Variants in TRPC5 observed in about 807,000 individuals in gnomAD.
The protein encoded by TRPC5 is transient receptor potential cation channel subfamily C member 5, also known as short transient receptor potential channel 5.
A neutral mutation model predicts 56.5 loss-of-function variants in TRPC5; 9 were observed. The ratio of observed to expected loss-of-function variants is 0.16; its 90% confidence interval spans 0.10 to 0.28. The LOEUF is 0.28. Among genes scored for constraint, TRPC5 ranks in the 10% least tolerant of loss-of-function variants. TRPC5 has a pLI of 1.00. For missense variants in TRPC5, 469 were observed against 748.9 expected, an observed-to-expected ratio of 0.63 and a Z score of 4.36; for synonymous variants, 282 against 278.5, an observed-to-expected ratio of 1.01 and a Z score of -0.13.
chrX:111,970,142 C>G (rs1464151481), intron 1 of TRPC5, among the ~76,000 whole-genome samples: 1 of 111,396 alleles, frequency 9.0e-6, no homozygotes, highest in Non-Finnish European at 1.9e-5. Context: ...GTGCTGCTAT[C>G]TGTGTGACTG....
chrX:111,963,170 G>T (rs796174773), intron 1 of TRPC5, among the ~76,000 whole-genome samples: 2 of 112,472 alleles, frequency 1.8e-5, no homozygotes, highest in Non-Finnish European at 3.8e-5. Flanking sequence ...CACACCAGGA[G>T]ATTATATCCC....
chrX:111,878,081 G>A (rs1047682905), intron 3 of TRPC5, among the ~76,000 whole-genome samples: 1 of 110,754 alleles, frequency 9.0e-6, no homozygotes, highest in African/African-American at 3.3e-5. Flanking sequence ...GCAGTGAGGA[G>A]AAGGGAAAGA....
intron 3 of TRPC5, among the ~76,000 whole-genome samples, chrX:111,891,115 T>C (rs1048736025): frequency 2.7e-5 from 3 of 112,349 alleles, no homozygotes; most frequent in African/African-American, 9.7e-5. Flanking sequence ...CAATCTACCA[T>C]TGATGGGCAT....
At chrX:111,950,459 T>C (rs1927058231) in intron 2 of TRPC5, among the ~76,000 whole-genome samples, 1 of 111,828 alleles carries the variant, frequency 8.9e-6, no homozygotes, top group Admixed American at 9.5e-5. Context: ...AGCTAAGCTA[T>C]AAGGATGCAA....
At chrX:111,921,625 T>C (rs1326873304) in intron 2 of TRPC5, among the ~76,000 whole-genome samples, 1 of 110,759 alleles carries the variant, frequency 9.0e-6, no homozygotes, top group Non-Finnish European at 1.9e-5. Context: ...AAAATAAAGA[T>C]AGGGGGAGGT....
At chrX:112,038,605 A>C (rs1929810699) in intron 1 of TRPC5, among the ~76,000 whole-genome samples, 1 of 112,448 alleles carries the variant, frequency 8.9e-6, no homozygotes, top group African/African-American at 3.2e-5. Flanking sequence ...TAAAACATTC[A>C]AACTTGGTTA....
intron 7 of TRPC5, among the ~76,000 whole-genome samples, chrX:111,809,891 TTTG>T (rs1227036428): frequency 2.7e-4 from 30 of 109,905 alleles, no homozygotes; most frequent in African/African-American, 8.0e-4. Flanking sequence ...TGTTTTTTTT[TTTG>T]TTGTTGTTGT....
At position 111,772,496 on chromosome X, in the gene TRPC5, T is replaced by G. The variant is rs1239210925; in HGVS notation, c.*3817A>C. 9.0e-6 allele frequency among the ~76,000 whole-genome samples: 1 copy of G among 111,718 alleles called. No homozygotes were observed. Among genetic ancestry groups the G allele is most frequent in the Non-Finnish European group, 1.9e-5 (1 of 53,174 alleles). On this transcript the variant is annotated 3_prime_UTR_variant, in exon 11 of 11. Coordinates refer to ENST00000262839, the MANE Select transcript of TRPC5 (RefSeq NM_012471.3). ...CCGCCCAGGCTTGAGTGCAGTGGTG[T>G]GATCTCAGTGCACTGCAACCTCTGC...
intron 3 of TRPC5, chrX:111,902,941 G>A (rs976263899): frequency 5.4e-5 from 6 of 111,651 alleles, no homozygotes; most frequent in African/African-American, 2.0e-4. Context: ...TAATAGAAGG[G>A]CTAAGCAAAG....
chrX:111,877,029 A>G (rs749993205), intron 3 of TRPC5, among the ~76,000 whole-genome samples: 1 of 111,653 alleles, frequency 9.0e-6, no homozygotes, highest in Admixed American at 9.6e-5. Flanking sequence ...CTATCTATGG[A>G]TGATCACATT....
intron 1 of TRPC5, among the ~76,000 whole-genome samples, chrX:112,063,937 G>A (rs1049880568): frequency 5.4e-5 from 6 of 111,229 alleles, no homozygotes; most frequent in Admixed American, 4.8e-4. Flanking sequence ...GACTACAGGC[G>A]CCCACCACCA....
chrX:111,874,035 C>T lies in TRPC5; in HGVS notation c.901-19929G>A, dbSNP rs767453291. ...CTCTGGTAGAGAAAGGAAGGATCCTCAATGCTCGGATGGCTTTTAAGAAGT... is the reference window on the plus strand; with the variant it reads ...CTCTGGTAGAGAAAGGAAGGATCCTTAATGCTCGGATGGCTTTTAAGAAGT... On this transcript the variant is annotated intron_variant, in intron 3 of 10. Coordinates refer to ENST00000262839, the MANE Select transcript of TRPC5 (RefSeq NM_012471.3). Among the ~76,000 whole-genome samples, 8 of 111,616 alleles carry T rather than the reference C, an allele frequency of 7.2e-5. No homozygotes were observed. In the East Asian group the frequency reaches 1.4e-3, roughly 20 times the overall value.
intron 1 of TRPC5, among the ~76,000 whole-genome samples, chrX:112,029,960 T>A (rs1388769616): frequency 9.0e-6 from 1 of 110,655 alleles, no homozygotes; most frequent in Non-Finnish European, 1.9e-5. Flanking sequence ...CCCAAGTAGC[T>A]GGGATCACAG....
intron 7 of TRPC5, among the ~76,000 whole-genome samples, chrX:111,783,506 G>A (rs1415150796): frequency 3.6e-5 from 4 of 110,545 alleles, no homozygotes; most frequent in East Asian, 2.8e-4. Flanking sequence ...TATAATTTGC[G>A]TTTCCCAAAT....
chrX:111,810,289 C>T (rs1921663405), intron 7 of TRPC5, among the ~76,000 whole-genome samples: 1 of 111,018 alleles, frequency 9.0e-6, no homozygotes, highest in Non-Finnish European at 1.9e-5. Context: ...TGCATAAGGA[C>T]TCAAATGCCA....
At chrX:111,940,657 C>T (rs1041286335) in intron 2 of TRPC5, among the ~76,000 whole-genome samples, 1 of 102,008 alleles carries the variant, frequency 9.8e-6, no homozygotes, top group African/African-American at 3.6e-5. Context: ...TACCACTGCA[C>T]TCCAGCCTGG....
intron 2 of TRPC5, among the ~76,000 whole-genome samples, chrX:111,935,809 A>G (rs1030807911): frequency 9.0e-6 from 1 of 111,162 alleles, no homozygotes; most frequent in Non-Finnish European, 1.9e-5. Context: ...TGGGTTCTCT[A>G]TTCTGTTCCA....
intron 3 of TRPC5, among the ~76,000 whole-genome samples, chrX:111,864,614 C>T (rs1423749310): frequency 8.9e-6 from 1 of 111,733 alleles, no homozygotes; most frequent in Non-Finnish European, 1.9e-5. Flanking sequence ...TACCATGGTT[C>T]CAAGGCTGTT....
chrX:111,965,406 A>C lies in TRPC5; in HGVS notation c.-21-12965T>G, dbSNP rs1341278466. 4.5e-5 allele frequency among the ~76,000 whole-genome samples: 5 copies of C among 111,860 alleles called. No homozygotes were observed. The East Asian group carries it at 1.4e-3, about 31-fold the overall frequency. On this transcript the variant is annotated intron_variant, in intron 1 of 10. Coordinates refer to ENST00000262839, the MANE Select transcript of TRPC5 (RefSeq NM_012471.3). ...TTTAACACCCCACTGTCAACATTAG[A>C]CAGATCAACGAGACAGAAAGTTAAA...
Sources: gnomAD v4.1 joint callset for allele counts (sites outside exome capture counted in the v4.1 genomes callset) on GRCh38, gnomAD v4.1.1 for gene constraint, MANE v1.5 for transcripts, NCBI Gene and HGNC (gene_info 2026-07-23, HGNC 2026-07-21) for gene names.